AXDND1: variants seen among roughly 807,000 people sequenced by gnomAD.
AXDND1 encodes the protein axonemal dynein light chain domain containing 1, also known as axonemal dynein light chain domain-containing protein 1.
A neutral mutation model predicts 137.5 loss-of-function variants in AXDND1; 110 were observed. The observed-to-expected ratio is 0.80, with a 90% CI of 0.69 to 0.94. The LOEUF (loss-of-function observed/expected upper bound fraction) is 0.94, where lower values mean the gene tolerates loss of function less well. AXDND1 is among the 40% of genes least tolerant of loss of function. AXDND1 has a pLI of 0.00. For synonymous variants in AXDND1, 414 were observed against 399.7 expected (o/e 1.04, Z -0.43); for missense variants, 1,191 against 1,169.8 (o/e 1.02, Z -0.26).
intron 16 of AXDND1, chr1:179,448,982 G>A: frequency 3.2e-6 from 1 of 309,980 alleles, no homozygotes; most frequent in Non-Finnish European, 6.4e-6. Flanking sequence ...AGCCTCCTGG[G>A]TTTAAGCAAT....
intron 11 of AXDND1, among the ~76,000 whole-genome samples, chr1:179,405,401 T>C (rs1652804373): frequency 6.6e-6 from 1 of 152,252 alleles, no homozygotes; most frequent in Non-Finnish European, 1.5e-5. Flanking sequence ...TGTGTTTTCA[T>C]AGCAGAATGA....
intron 23 of AXDND1, among the ~76,000 whole-genome samples, chr1:179,532,093 T>C (rs1412725646): frequency 1.3e-5 from 2 of 152,180 alleles, no homozygotes; most frequent in Non-Finnish European, 2.9e-5. Flanking sequence ...ACAACCAGCA[T>C]TTCAGACCAT....
Position 179,432,419 on chromosome 1 carries a change from A to G in AXDND1, c.1563+77A>G, listed in dbSNP as rs1200455881. ...GGCATTCCGGACCTACAACTGAGGC[A>G]CATCCCATCCTTTTTTTTTTTTGGG... On this transcript the variant is annotated intron_variant, in intron 15 of 25. Transcript: ENST00000367618. The G allele has an allele frequency of 2.9e-6, 4 of 1,400,638 alleles. No homozygotes were observed. In the South Asian group the frequency reaches 4.1e-5, roughly 14 times the overall value. The allele number at this position is 1,400,638 out of a possible 1,614,324, so 86.8% of individuals were successfully genotyped here. A position where few individuals can be genotyped will look rare whatever the true frequency, so the allele number is the denominator to read the frequency against.
At chr1:179,538,686 A>G (rs973467742) in intron 25 of AXDND1, among the ~76,000 whole-genome samples, 9 of 152,070 alleles carry the variant, frequency 5.9e-5, no homozygotes, top group African/African-American at 1.9e-4. Context: ...GGGATGGAGA[A>G]TTCTGTAGGT....
intron 14 of AXDND1, among the ~76,000 whole-genome samples, chr1:179,431,570 T>G (rs1406989814): frequency 1.3e-5 from 2 of 152,082 alleles, no homozygotes; most frequent in Non-Finnish European, 2.9e-5. Context: ...GTTTTTTTTT[T>G]TTTTTAAATT....
intron 25 of AXDND1, chr1:179,545,412 G>A (rs1672551967): frequency 6.6e-6 from 1 of 152,180 alleles, no homozygotes; most frequent in Non-Finnish European, 1.5e-5. Flanking sequence ...ACATTCCTTA[G>A]TATATACCTA....
In AXDND1 at chr1:179,394,051, C is replaced by T; in HGVS notation, c.1004+8C>T. On this transcript the variant is annotated splice_region_variant and intron_variant, in intron 10 of 25. Transcript: ENST00000367618. ...TATTGAAGAACTGACCAGGTAAAAA[C>T]TGTGATTATCTTAAACACAAAACAA... is the stretch of plus-strand genomic sequence containing the variant. The T allele has an allele frequency of 1.9e-6, 3 of 1,587,978 alleles. No homozygotes were observed. The highest frequency in any genetic ancestry group is 1.9e-5 in the Admixed American group (1 of 53,702).
At chr1:179,423,657 A>T (rs898506617) in intron 12 of AXDND1, among the ~76,000 whole-genome samples, 8 of 151,934 alleles carry the variant, frequency 5.3e-5, no homozygotes, top group Non-Finnish European at 1.2e-4. Context: ...AGGTTTTTTT[A>T]AAAAAAGAGA....
rs201638557 is a variant in AXDND1 at position 179,491,672 on chromosome 1, G to A, written c.2226G>A (p.Ala742=). The change falls in exon 19 of 26, where the codon GCG becomes GCA. Residue 742 remains alanine (A), a synonymous_variant. Coordinates refer to ENST00000367618, the MANE Select transcript of AXDND1 (RefSeq NM_144696.6). ...CTGAGAAACATGATATAGGAGTTGC[G>A]CGATTGGAGCTAGATGCGATTGAAC... ...ESAEKHDIGV[A]RLELDAIELT... is the part of the protein sequence containing the mutation. 1.9e-4 allele frequency: 305 copies of A among 1,611,752 alleles called. 1 individual carries two copies. In the East Asian group the frequency reaches 2.7e-3, roughly 14 times the overall value.
At chr1:179,373,096 A>C (rs1455839193) in intron 4 of AXDND1, among the ~76,000 whole-genome samples, 1 of 152,246 alleles carries the variant, frequency 6.6e-6, no homozygotes, top group East Asian at 1.9e-4. Context: ...TGATACTATT[A>C]AAATGGCAAT....
chr1:179,448,087 A>G, intron 16 of AXDND1: 1 of 1,032,544 alleles, frequency 9.7e-7, no homozygotes, highest in Non-Finnish European at 1.5e-6. Flanking sequence ...ATTCTGCATC[A>G]TATTATCAAA....
At chr1:179,464,865 G>A (rs1012228303) in intron 16 of AXDND1, among the ~76,000 whole-genome samples, 2 of 151,784 alleles carry the variant, frequency 1.3e-5, no homozygotes, top group African/African-American at 4.8e-5. Context: ...TCATTCATTC[G>A]ATCTTCAATC....
chr1:179,390,786 G>A (rs902715362), intron 9 of AXDND1, among the ~76,000 whole-genome samples: 2 of 151,404 alleles, frequency 1.3e-5, no homozygotes, highest in Admixed American at 1.3e-4. Flanking sequence ...ACAGCATTCT[G>A]CTTCTGTGCT....
intron 18 of AXDND1, among the ~76,000 whole-genome samples, chr1:179,484,822 A>G (rs147725999): frequency 7.9e-5 from 12 of 152,234 alleles, no homozygotes; most frequent in Non-Finnish European, 1.3e-4. Flanking sequence ...CCCATAACCA[A>G]TGCAAAGGTA....
At chr1:179,426,684 C>G (rs1656616368) in intron 12 of AXDND1, among the ~76,000 whole-genome samples, 2 of 152,026 alleles carry the variant, frequency 1.3e-5, no homozygotes, top group Admixed American at 6.5e-5. Flanking sequence ...TTGAAATAAT[C>G]TAAATATCCA....
chr1:179,547,560 G>T (rs1472172369), intron 25 of AXDND1, among the ~76,000 whole-genome samples: 1 of 152,154 alleles, frequency 6.6e-6, no homozygotes, highest in Non-Finnish European at 1.5e-5. Context: ...CCAGGACAAT[G>T]CTTCTATTCT....
intron 12 of AXDND1, among the ~76,000 whole-genome samples, chr1:179,415,979 G>T (rs1394742593): frequency 1.3e-5 from 2 of 152,132 alleles, no homozygotes; most frequent in Non-Finnish European, 2.9e-5. Context: ...TTTAGAATGT[G>T]CAATAGATTG....
intron 17 of AXDND1, among the ~76,000 whole-genome samples, chr1:179,478,431 C>T (rs1362392157): frequency 2.0e-5 from 3 of 152,240 alleles, no homozygotes; most frequent in Non-Finnish European, 4.4e-5. Context: ...TCTGCAGGCT[C>T]AATACCATGT....
Position 179,366,597 on chromosome 1 carries a change from G to A in AXDND1, c.88G>A (p.Gly30Arg). The stretch of plus-strand genomic sequence containing the variant: ...GTTAAAAGTGTCTGTAGCCAAGGAA[G>A]GGACAAGAGGTAAACTTCGTTGATT... ...KKLKVSVAKE[G>R]TRGLPELKEK... The change falls in exon 2 of 26, where the codon GGG (glycine) becomes AGG (arginine). Residue 30 changes from glycine (G) to arginine (R), a missense_variant. Physicochemically the swap from Gly to Arg is moderately radical, Grantham distance 125 (BLOSUM62 -2). Transcript: ENST00000367618. 6.2e-7 allele frequency: 1 copy of A among 1,609,112 alleles called. No homozygotes were observed. The highest frequency in any genetic ancestry group is 2.2e-5 in the East Asian group (1 of 44,834).
Sources: gnomAD v4.1 joint callset for allele counts (sites outside exome capture counted in the v4.1 genomes callset) on GRCh38, gnomAD v4.1.1 for gene constraint, MANE v1.5 for transcripts, NCBI Gene and HGNC (gene_info 2026-07-23, HGNC 2026-07-21) for gene names.